MAP4K3: variants seen among roughly 807,000 people sequenced by gnomAD.
MAP4K3 encodes the protein mitogen-activated protein kinase kinase kinase kinase 3, also known as MAPK/ERK kinase kinase kinase 3.
In MAP4K3, 94 loss-of-function variants were observed where a neutral mutation model predicts 143.5. The observed-to-expected ratio is 0.65, with a 90% CI of 0.55 to 0.78. The LOEUF (loss-of-function observed/expected upper bound fraction) is 0.78. Ranked by LOEUF, MAP4K3 falls within the 30% of genes least tolerant of loss-of-function variation. The probability of loss-of-function intolerance (pLI) is 0.00; values close to 1 mark genes in which losing one functional copy is unlikely to be tolerated. For synonymous variants in MAP4K3, 416 were observed against 347.2 expected, an observed-to-expected ratio of 1.20 and a Z score of -2.20; for missense variants, 1,077 against 1,068.1, an observed-to-expected ratio of 1.01 and a Z score of -0.12.
At chr2:39,305,303 T>C (rs113658365) in intron 15 of MAP4K3, among the ~76,000 whole-genome samples, 5,614 of 152,242 alleles carry the variant, frequency 0.037, 129 homozygotes, top group Non-Finnish European at 0.048. Flanking sequence ...GGCCCAGTAT[T>C]ACTTTAAAAA....
chr2:39,322,293 A>G (rs946742513), intron 12 of MAP4K3, among the ~76,000 whole-genome samples: 1 of 152,204 alleles, frequency 6.6e-6, no homozygotes, highest in African/African-American at 2.4e-5. Flanking sequence ...ATTAATGAAC[A>G]TGGATGAAAC....
chr2:39,355,155 G>C lies in MAP4K3; in HGVS notation c.245+1094C>G, dbSNP rs1055806808. On this transcript the variant is annotated intron_variant, in intron 3 of 33. Coordinates refer to ENST00000263881, the MANE Select transcript of MAP4K3 (RefSeq NM_003618.4). ...TGAGGCAGGCAGATCACGAGGTCAG[G>C]AGATCAAGACCATCGTGGCCAACAT... Among the ~76,000 whole-genome samples the C allele has an allele frequency of 1.3e-5, 2 of 152,130 alleles. 1 individual carries two copies. The highest frequency in any genetic ancestry group is 4.1e-4 in the South Asian group (2 of 4,832).
In MAP4K3 at chr2:39,262,361, A is replaced by G. The variant is rs910420304; in HGVS notation, c.2137-1584T>C. Among the ~76,000 whole-genome samples, 7 of 152,236 alleles carry G rather than the reference A, an allele frequency of 4.6e-5. No individual in the cohort carries two copies. In the South Asian group the frequency reaches 1.2e-3, roughly 27 times the overall value. On this transcript the variant is annotated intron_variant, in intron 28 of 33. Coordinates refer to ENST00000263881, the MANE Select transcript of MAP4K3 (RefSeq NM_003618.4). ...TTCCACGGGCACAGACACTTCATCA[A>G]TATTCTCCAAACCTCTTCTCTAGGA...
intron 3 of MAP4K3, among the ~76,000 whole-genome samples, chr2:39,345,303 G>C (rs1455080039): frequency 6.6e-6 from 1 of 151,864 alleles, no homozygotes; most frequent in Non-Finnish European, 1.5e-5. Context: ...GGGGTCGGGG[G>C]GAAGGTGCAG....
At chr2:39,289,189 C>T (rs547621981) in intron 19 of MAP4K3, among the ~76,000 whole-genome samples, 37 of 152,260 alleles carry the variant, frequency 2.4e-4, no homozygotes, top group African/African-American at 8.4e-4. Context: ...GAATTTATAA[C>T]GTGTCTCTTA....
At chr2:39,339,291 T>C (rs1016213105) in intron 4 of MAP4K3, among the ~76,000 whole-genome samples, 1 of 152,238 alleles carries the variant, frequency 6.6e-6, no homozygotes. Flanking sequence ...CCCACACACA[T>C]TCAGTAAGAT....
At chr2:39,371,633 T>C (rs956327819) in intron 2 of MAP4K3, among the ~76,000 whole-genome samples, 1 of 152,022 alleles carries the variant, frequency 6.6e-6, no homozygotes, top group Non-Finnish European at 1.5e-5. Flanking sequence ...ATCTGTTGCC[T>C]ACAAGAAACA....
At chr2:39,369,750 C>A (rs531364572) in intron 2 of MAP4K3, among the ~76,000 whole-genome samples, 1 of 152,324 alleles carries the variant, frequency 6.6e-6, no homozygotes, top group South Asian at 2.1e-4. Flanking sequence ...TAGGCTACAT[C>A]AGCCACTCTG....
Position 39,293,511 on chromosome 2 carries a change from C to T in MAP4K3, c.1179-243G>A, listed in dbSNP as rs199875605. Among the ~76,000 whole-genome samples the T allele has an allele frequency of 3.3e-5, 5 of 152,012 alleles. No individual in the cohort carries two copies. The East Asian group carries it at 9.7e-4, about 29-fold the overall frequency. ...GTATTTTAAATGAACAAAATAAATC[C>T]TAATATTTATTGAAAAATACCAATT... On this transcript the variant is annotated intron_variant, in intron 16 of 33. Transcript: ENST00000263881.
chr2:39,376,240 T>C (rs1295525329), intron 2 of MAP4K3, among the ~76,000 whole-genome samples: 1 of 152,166 alleles, frequency 6.6e-6, no homozygotes, highest in Non-Finnish European at 1.5e-5. Flanking sequence ...TACACAGAAA[T>C]ACTATGGGCT....
intron 1 of MAP4K3, among the ~76,000 whole-genome samples, chr2:39,396,694 C>T (rs1022886405): frequency 2.0e-5 from 3 of 152,056 alleles, no homozygotes; most frequent in African/African-American, 7.2e-5. Flanking sequence ...AGGATGGTCT[C>T]GATCTCCTGA....
intron 4 of MAP4K3, among the ~76,000 whole-genome samples, chr2:39,341,286 C>T (rs2148533062): frequency 6.6e-6 from 1 of 152,224 alleles, no homozygotes. Context: ...CTAGAAAATA[C>T]CTATCTATAC....
rs556443416 is a variant in MAP4K3 at position 39,260,344 on chromosome 2, G to A, written c.2308+262C>T. On this transcript the variant is annotated intron_variant, in intron 29 of 33. Transcript: ENST00000263881. ...TTGCCCAGGCTGTTCTTGAACTCCTGGACTCAAGCGATCTTCTCACCTTGG... is the reference window on the plus strand; with the variant it reads ...TTGCCCAGGCTGTTCTTGAACTCCTAGACTCAAGCGATCTTCTCACCTTGG... Among the ~76,000 whole-genome samples, 3 of 152,214 alleles carry A rather than the reference G, an allele frequency of 2.0e-5. No homozygotes were observed. The East Asian group carries it at 5.8e-4, about 29-fold the overall frequency.
intron 1 of MAP4K3, chr2:39,436,546 C>G (rs1665487142): frequency 3.9e-6 from 1 of 257,658 alleles, no homozygotes. Flanking sequence ...TCCGGTTCGT[C>G]GCGCTGACCC....
chr2:39,280,218 T>C, intron 23 of MAP4K3, 54 bp downstream of exon 23: 1 of 999,698 alleles, frequency 1.0e-6, no homozygotes, highest in Non-Finnish European at 1.4e-6. Context: ...AATGCTTTCA[T>C]GGCCCCAGTT....
intron 16 of MAP4K3, 120 bp downstream of exon 16, chr2:39,299,623 A>G: frequency 2.2e-6 from 1 of 457,478 alleles, no homozygotes; most frequent in Non-Finnish European, 3.8e-6. Flanking sequence ...GGTGAAATGC[A>G]TATTGTAAAA....
intron 1 of MAP4K3, among the ~76,000 whole-genome samples, chr2:39,417,440 T>A (rs572151234): frequency 1.3e-4 from 20 of 152,150 alleles, no homozygotes; most frequent in African/African-American, 3.9e-4. Context: ...AGGATGGTCT[T>A]GATCTCCTGA....
At chr2:39,267,309 A>G in intron 26 of MAP4K3, 62 bp from the exon 27 acceptor site, 2 of 1,254,326 alleles carry the variant, frequency 1.6e-6, no homozygotes, top group South Asian at 1.2e-5. Flanking sequence ...TGAAAAAGCT[A>G]CTGTTATAGA....
At chr2:39,342,721 C>T (rs1665178484) in intron 4 of MAP4K3, among the ~76,000 whole-genome samples, 1 of 152,002 alleles carries the variant, frequency 6.6e-6, no homozygotes, top group Non-Finnish European at 1.5e-5. Flanking sequence ...AGTGGCCCCA[C>T]ACTAGAAAAT....
Sources: gnomAD v4.1 joint callset for allele counts (sites outside exome capture counted in the v4.1 genomes callset) on GRCh38, gnomAD v4.1.1 for gene constraint, MANE v1.5 for transcripts, NCBI Gene and HGNC (gene_info 2026-07-23, HGNC 2026-07-21) for gene names.